The following CTNNA2 variants were observed in gnomAD, a reference collection of about 807,000 sequenced individuals.
CTNNA2 encodes the protein catenin alpha-2.
In CTNNA2, 42 loss-of-function variants were observed where a neutral mutation model predicts 101.0. The observed-to-expected ratio is 0.42, with a 90% CI of 0.32 to 0.54. The LOEUF is 0.54. CTNNA2 is among the 20% of genes least tolerant of loss of function. CTNNA2 has a pLI of 0.14. For synonymous variants in CTNNA2, 450 were observed against 456.4 expected (o/e 0.99, Z 0.18); for missense variants, 871 against 1,223.1 (o/e 0.71, Z 4.29).
chr2:80,463,613 A>G (rs1310749888), intron 9 of CTNNA2, among the ~76,000 whole-genome samples: 1 of 152,174 alleles, frequency 6.6e-6, no homozygotes, highest in African/African-American at 2.4e-5. Flanking sequence ...GATTTGGGGT[A>G]ACAAGAGGAA....
At chr2:79,574,446 C>G (rs1236151723) in intron 1 of CTNNA2, among the ~76,000 whole-genome samples, 1 of 152,146 alleles carries the variant, frequency 6.6e-6, no homozygotes, top group Non-Finnish European at 1.5e-5. Flanking sequence ...TTAACTACCA[C>G]TTTTAAGTGA....
intron 4 of CTNNA2, among the ~76,000 whole-genome samples, chr2:79,474,740 G>T (rs886760998): frequency 2.0e-5 from 3 of 152,028 alleles, no homozygotes; most frequent in African/African-American, 7.2e-5. Flanking sequence ...TCAGAAGTGT[G>T]GTTTAAAATA....
At chr2:80,013,173 A>G (rs1386199774) in intron 7 of CTNNA2, among the ~76,000 whole-genome samples, 1 of 152,116 alleles carries the variant, frequency 6.6e-6, no homozygotes, top group Non-Finnish European at 1.5e-5. Context: ...CTAAAAAAGA[A>G]AAAAAAGTCC....
chr2:79,728,482 G>T (rs1465337626), intron 2 of CTNNA2, among the ~76,000 whole-genome samples: 1 of 152,126 alleles, frequency 6.6e-6, no homozygotes, highest in East Asian at 1.9e-4. Flanking sequence ...ATAGCCCTTT[G>T]TCAGATGAGT....
At chr2:80,278,505 G>A (rs954547659) in intron 7 of CTNNA2, among the ~76,000 whole-genome samples, 4 of 152,052 alleles carry the variant, frequency 2.6e-5, no homozygotes, top group Non-Finnish European at 4.4e-5. Flanking sequence ...CAGTCAGCCT[G>A]GGCTAGTTCA....
At chr2:80,562,233 G>A (rs6752544) in intron 12 of CTNNA2, among the ~76,000 whole-genome samples, 148,816 of 152,268 alleles carry the variant, frequency 0.98, 72,742 homozygotes, top group South Asian at 0.99. Context: ...GTGTGTTTGT[G>A]AATGATGTGT....
chr2:80,366,735 C>T (rs924502274), intron 7 of CTNNA2, among the ~76,000 whole-genome samples: 7 of 152,114 alleles, frequency 4.6e-5, no homozygotes, highest in South Asian at 2.1e-4. Flanking sequence ...CTGTGAACCC[C>T]GAATATCTGA....
chr2:79,384,067 C>T (rs1678070477), intron 4 of CTNNA2, among the ~76,000 whole-genome samples: 1 of 152,110 alleles, frequency 6.6e-6, no homozygotes, highest in Non-Finnish European at 1.5e-5. Flanking sequence ...GAATGGGAAA[C>T]ATTTAGCAAC....
At chr2:80,518,928 C>T (rs538454276) in intron 9 of CTNNA2, among the ~76,000 whole-genome samples, 16 of 152,198 alleles carry the variant, frequency 1.1e-4, no homozygotes, top group African/African-American at 2.6e-4. Flanking sequence ...TGTTCACTTC[C>T]ACCCCTGGAT....
chr2:79,522,807 T>G (rs776475153), intron 1 of CTNNA2, among the ~76,000 whole-genome samples: 5 of 152,180 alleles, frequency 3.3e-5, no homozygotes, highest in Non-Finnish European at 5.9e-5. Flanking sequence ...AGAAATATTT[T>G]GGCATTATCT....
chr2:80,638,615 G>A (rs1016266506), intron 18 of CTNNA2, among the ~76,000 whole-genome samples: 1 of 152,110 alleles, frequency 6.6e-6, no homozygotes, highest in African/African-American at 2.4e-5. Context: ...CTTGTTTCGG[G>A]TTGAGCAAAA....
At chr2:80,561,340 G>A (rs560662172) in intron 12 of CTNNA2, among the ~76,000 whole-genome samples, 18 of 152,270 alleles carry the variant, frequency 1.2e-4, no homozygotes, top group African/African-American at 4.1e-4. Context: ...AATAGATAAC[G>A]TATAATTTGT....
intron 1 of CTNNA2, among the ~76,000 whole-genome samples, chr2:79,627,328 G>T (rs78022180): frequency 6.6e-6 from 1 of 152,224 alleles, no homozygotes; most frequent in Non-Finnish European, 1.5e-5. Flanking sequence ...GAGTGAAGAA[G>T]CTCCCAGAGC....
chr2:79,559,309 C>A (rs1010561891), intron 1 of CTNNA2, among the ~76,000 whole-genome samples: 8 of 151,786 alleles, frequency 5.3e-5, no homozygotes, highest in African/African-American at 1.9e-4. Flanking sequence ...GGGAGCTTTT[C>A]AGTATGGTTG....
intron 4 of CTNNA2, among the ~76,000 whole-genome samples, chr2:79,450,271 G>A (rs1678875817): frequency 6.6e-6 from 1 of 151,880 alleles, no homozygotes; most frequent in Non-Finnish European, 1.5e-5. Context: ...GGGAATGAAT[G>A]TCAGATTCAA....
intron 1 of CTNNA2, among the ~76,000 whole-genome samples, chr2:79,554,921 T>G (rs1031100709): frequency 6.6e-6 from 1 of 152,220 alleles, no homozygotes; most frequent in Admixed American, 6.5e-5. Flanking sequence ...TTAAGCCTAT[T>G]GATAGTTGGT....
At chr2:80,293,168 A>G (rs1370972276) in intron 7 of CTNNA2, among the ~76,000 whole-genome samples, 1 of 152,236 alleles carries the variant, frequency 6.6e-6, no homozygotes, top group Non-Finnish European at 1.5e-5. Context: ...CAGCTGAGGG[A>G]CAAATGACAG....
At chr2:80,504,885 A>G (rs1168648354) in intron 9 of CTNNA2, among the ~76,000 whole-genome samples, 1 of 152,226 alleles carries the variant, frequency 6.6e-6, no homozygotes, top group African/African-American at 2.4e-5. Context: ...GGTTCCAGTC[A>G]GGAAAGATAT....
rs577117682 is a variant in CTNNA2, at chr2:79,767,285, A to C, written c.298+22703A>C. On this transcript the variant is annotated intron_variant, in intron 3 of 18. Coordinates refer to ENST00000402739, the MANE Select transcript of CTNNA2 (RefSeq NM_001282597.3). Reference sequence around the variant, plus strand: ...TTGAATTTCTTTGCATTTCCTCAACACAGCTATTTTGAATTATCTGTCTGA... The same window carrying C: ...TTGAATTTCTTTGCATTTCCTCAACCCAGCTATTTTGAATTATCTGTCTGA... Among the ~76,000 whole-genome samples, 5 of 152,010 alleles carry C rather than the reference A, an allele frequency of 3.3e-5. No homozygotes were observed. In the East Asian group the frequency reaches 9.7e-4, roughly 30 times the overall value.
Sources: gnomAD v4.1 joint callset for allele counts (sites outside exome capture counted in the v4.1 genomes callset) on GRCh38, gnomAD v4.1.1 for gene constraint, MANE v1.5 for transcripts, NCBI Gene and HGNC (gene_info 2026-07-23, HGNC 2026-07-21) for gene names.